The following KCNT2 variants were observed in gnomAD, a reference collection of about 807,000 sequenced individuals.
KCNT2 encodes the protein potassium channel subfamily T member 2.
KCNT2 carries 67 observed loss-of-function variants against 153.8 expected under a neutral mutation model. That is an observed-to-expected ratio of 0.44 (90% confidence interval 0.36 to 0.53). KCNT2 has a LOEUF of 0.53. KCNT2 is among the 20% of genes least tolerant of loss of function. The pLI, the probability that KCNT2 is intolerant of heterozygous loss-of-function variation, is 0.00. For missense variants in KCNT2, 975 were observed against 1,354.8 expected (o/e 0.72, Z 4.40); for synonymous variants, 500 against 458.8 (o/e 1.09, Z -1.15).
At chr1:196,422,391 C>T (rs1673289072) in intron 12 of KCNT2, among the ~76,000 whole-genome samples, 1 of 151,820 alleles carries the variant, frequency 6.6e-6, no homozygotes, top group African/African-American at 2.4e-5. Flanking sequence ...GGCTTAGAAA[C>T]ACAGGAGGTA....
chr1:196,389,359 AT>A (rs891182229), intron 13 of KCNT2, among the ~76,000 whole-genome samples: 105 of 151,140 alleles, frequency 6.9e-4, no homozygotes, highest in Middle Eastern at 3.4e-3. Context: ...ATCACTATAA[AT>A]TTTTTTTTCT....
At chr1:196,495,027 TTAAA>T (rs1463118887) in intron 1 of KCNT2, among the ~76,000 whole-genome samples, 1 of 152,054 alleles carries the variant, frequency 6.6e-6, no homozygotes, top group East Asian at 1.9e-4. Flanking sequence ...AAGTCTCTCA[TTAAA>T]TAATTTCCTA....
At chr1:196,316,146 A>G in intron 20 of KCNT2, 120 bp from the exon 21 acceptor site, 1 of 686,558 alleles carries the variant, frequency 1.5e-6, no homozygotes, top group Non-Finnish European at 2.4e-6. Context: ...TGGCTTTTAC[A>G]GAGTGTGCAC....
chr1:196,312,138 T>C (rs1464612073), intron 21 of KCNT2, among the ~76,000 whole-genome samples: 1 of 151,772 alleles, frequency 6.6e-6, no homozygotes, highest in African/African-American at 2.4e-5. Context: ...TTTAGATGTG[T>C]AAATAAAAAC....
intron 13 of KCNT2, among the ~76,000 whole-genome samples, chr1:196,382,191 C>A (rs2148373199): frequency 6.6e-6 from 1 of 151,980 alleles, no homozygotes; most frequent in African/African-American, 2.4e-5. Context: ...CTCCGCCTCC[C>A]AGGTTCATGC....
chr1:196,311,133 A>G (rs561628060), intron 21 of KCNT2, among the ~76,000 whole-genome samples: 1 of 151,962 alleles, frequency 6.6e-6, no homozygotes, highest in South Asian at 2.1e-4. Context: ...TTATTATCTG[A>G]GTCTATATAC....
intron 8 of KCNT2, among the ~76,000 whole-genome samples, chr1:196,433,473 G>A (rs1224592654): frequency 6.6e-6 from 1 of 151,910 alleles, no homozygotes; most frequent in South Asian, 2.1e-4. Context: ...GGAATGTGGT[G>A]GTGAAAATGT....
intron 14 of KCNT2, among the ~76,000 whole-genome samples, chr1:196,350,730 G>C (rs1373280235): frequency 1.3e-5 from 2 of 152,144 alleles, no homozygotes; most frequent in Non-Finnish European, 2.9e-5. Flanking sequence ...TGTCAATTTT[G>C]ACTTTTGTTG....
intron 1 of KCNT2, among the ~76,000 whole-genome samples, chr1:196,591,240 T>C (rs1663321014): frequency 6.6e-6 from 1 of 152,030 alleles, no homozygotes; most frequent in African/African-American, 2.4e-5. Flanking sequence ...TCTCTCTTGC[T>C]CCCTCTCTTG....
chr1:196,246,611 G>A (rs1347029395), intron 26 of KCNT2, among the ~76,000 whole-genome samples: 1 of 152,008 alleles, frequency 6.6e-6, no homozygotes, highest in African/African-American at 2.4e-5. Context: ...ACAAAAAAAA[G>A]TTAAAAAGTG....
chr1:196,271,680 A>G (rs1658076954), intron 25 of KCNT2, among the ~76,000 whole-genome samples: 1 of 151,962 alleles, frequency 6.6e-6, no homozygotes, highest in Non-Finnish European at 1.5e-5. Context: ...AGTTTTTGTT[A>G]GAGAGAAAGT....
chr1:196,544,761 T>G (rs1415697047), intron 1 of KCNT2, among the ~76,000 whole-genome samples: 1 of 152,074 alleles, frequency 6.6e-6, no homozygotes, highest in Non-Finnish European at 1.5e-5. Flanking sequence ...TAAAGTTCAC[T>G]GGAAAAAGAA....
At chr1:196,450,020 G>C (rs1241088709) in intron 8 of KCNT2, among the ~76,000 whole-genome samples, 2 of 151,704 alleles carry the variant, frequency 1.3e-5, no homozygotes, top group African/African-American at 2.4e-5. Flanking sequence ...GGCTGTGTTT[G>C]AAGAAGTGGA....
intron 14 of KCNT2, among the ~76,000 whole-genome samples, chr1:196,349,848 C>T (rs575504196): frequency 9.9e-5 from 15 of 151,902 alleles, no homozygotes; most frequent in African/African-American, 3.6e-4. Flanking sequence ...CTAATGCTAT[C>T]CCTCCCCCCT....
chr1:196,550,944 A>C (rs1206699088), intron 1 of KCNT2, among the ~76,000 whole-genome samples: 1 of 151,858 alleles, frequency 6.6e-6, no homozygotes, highest in Admixed American at 6.6e-5. Context: ...CTTCACATTC[A>C]TATATTTATG....
intron 9 of KCNT2, among the ~76,000 whole-genome samples, chr1:196,429,018 T>C (rs1337987444): frequency 6.6e-6 from 1 of 151,874 alleles, no homozygotes; most frequent in Non-Finnish European, 1.5e-5. Context: ...CTTTTTTTTT[T>C]TTTTTTGTAG....
chr1:196,245,562 TG>T (rs945303159), intron 26 of KCNT2, among the ~76,000 whole-genome samples: 1 of 152,224 alleles, frequency 6.6e-6, no homozygotes, highest in African/African-American at 2.4e-5. Context: ...GATATTTGAT[TG>T]TTTAGATGGA....
At chr1:196,280,757 T>A (rs1659016271) in intron 25 of KCNT2, 103 bp downstream of exon 25, 2 of 1,151,984 alleles carry the variant, frequency 1.7e-6, no homozygotes, top group Non-Finnish European at 2.5e-6. Flanking sequence ...TAGCATTCTT[T>A]TTCACTTTCT....
At chr1:196,367,515 GT>G (rs542224786) in intron 14 of KCNT2, among the ~76,000 whole-genome samples, 55 of 152,228 alleles carry the variant, frequency 3.6e-4, no homozygotes, top group Non-Finnish European at 7.5e-4. Context: ...GTAAATATAT[GT>G]GTAGATGTAT....
Sources: gnomAD v4.1 joint callset for allele counts (sites outside exome capture counted in the v4.1 genomes callset) on GRCh38, gnomAD v4.1.1 for gene constraint, MANE v1.5 for transcripts, NCBI Gene and HGNC (gene_info 2026-07-23, HGNC 2026-07-21) for gene names.